The following RASAL1 variants were observed in gnomAD, a reference collection of about 807,000 sequenced individuals.
The protein encoded by RASAL1 is rasGAP-activating-like protein 1.
A neutral mutation model predicts 96.6 loss-of-function variants in RASAL1; 72 were observed. The ratio of observed to expected loss-of-function variants is 0.75; its 90% CI spans 0.62 to 0.91. RASAL1 has a LOEUF of 0.91. RASAL1 is among the 40% of genes least tolerant of loss of function. The pLI is 0.00. For missense variants in RASAL1, 1,016 were observed against 1,072.5 expected, an observed-to-expected ratio of 0.95 and a Z score of 0.74; for synonymous variants, 405 against 430.4, an observed-to-expected ratio of 0.94 and a Z score of 0.73.
At chr12:113,116,192 A>G in intron 8 of RASAL1, 141 bp from the exon 9 acceptor site, 1 of 582,236 alleles carries the variant, frequency 1.7e-6, no homozygotes, top group Non-Finnish European at 2.9e-6. Flanking sequence ...CAACATGGTG[A>G]AGCCCCATCT....
intron 18 of RASAL1, 138 bp downstream of exon 18, chr12:113,103,808 T>G: frequency 1.8e-6 from 2 of 1,142,666 alleles, no homozygotes; most frequent in South Asian, 1.3e-5. Flanking sequence ...ATCAACCTCA[T>G]TTCACAGTTG....
At chr12:113,128,754 C>G (rs897171985) in intron 2 of RASAL1, among the ~76,000 whole-genome samples, 6 of 152,096 alleles carry the variant, frequency 3.9e-5, no homozygotes, top group African/African-American at 1.4e-4. Context: ...CTCAGAAAGT[C>G]CTAAAAACAT....
chr12:113,133,843 T>C (rs920537319), intron 1 of RASAL1, among the ~76,000 whole-genome samples: 3 of 152,158 alleles, frequency 2.0e-5, no homozygotes, highest in Admixed American at 2.0e-4. Flanking sequence ...GGCCCAGGAA[T>C]TGGGGGCAGG....
In RASAL1 at chr12:113,129,848, T is replaced by C. The variant is rs1462078272; in HGVS notation, c.122+1037A>G. 6.6e-6 allele frequency among the ~76,000 whole-genome samples: 1 copy of C among 152,230 alleles called. No homozygotes were observed. The highest frequency in any genetic ancestry group is 1.5e-5 in the Non-Finnish European group (1 of 68,038). Reference sequence around the variant, plus strand: ...GACCTTTTCCCAGCCAAAGGTCTTCTGAACATTCCCCAGCTCCTGAGCTGA... The same window carrying C: ...GACCTTTTCCCAGCCAAAGGTCTTCCGAACATTCCCCAGCTCCTGAGCTGA... On this transcript the variant is annotated intron_variant, in intron 2 of 20. Coordinates refer to ENST00000548055, the MANE Select transcript of RASAL1 (RefSeq NM_001301202.2). The surrounding 1 kb of genome is among the most constrained non-coding windows in gnomAD (Gnocchi z 5.0).
Position 113,135,336 on chromosome 12 carries a change from G to T in RASAL1, c.65+62C>A. ...ACCCGCCCTGGCACGCGGAAAGGGC[G>T]ACGTCGGCCCCACCCCAGGCCTTGC... is the stretch of plus-strand genomic sequence containing the variant. On this transcript the variant is annotated intron_variant, in intron 1 of 20. Transcript: ENST00000548055. The surrounding 1 kb of genome is among the most constrained non-coding windows in gnomAD (Gnocchi z 5.7). The T allele has an allele frequency of 6.7e-7, 1 of 1,497,762 alleles. No individual in the cohort carries two copies. The highest frequency in any genetic ancestry group is 1.2e-5 in the South Asian group (1 of 83,768). The allele number at this position is 1,497,762 out of a possible 1,614,324, so 92.8% of individuals were successfully genotyped here.
chr12:113,107,303 G>T, intron 14 of RASAL1, 62 bp from the exon 15 acceptor site: 1 of 1,490,038 alleles, frequency 6.7e-7, no homozygotes, highest in African/African-American at 1.4e-5. Context: ...GGCCCCTCCT[G>T]GCTCCCAAAT....
At chr12:113,102,075 C>T in intron 18 of RASAL1, 66 bp from the exon 19 acceptor site, 5 of 1,564,254 alleles carry the variant, frequency 3.2e-6, no homozygotes, top group Non-Finnish European at 4.3e-6. Context: ...CACAGCCAGG[C>T]ATTCGCCAAG....
chr12:113,121,362 G>T, intron 5 of RASAL1, 147 bp downstream of exon 5: 1 of 1,321,760 alleles, frequency 7.6e-7, no homozygotes, highest in Non-Finnish European at 1.0e-6. Context: ...AGTGAGCTTG[G>T]ACTGTTTGTC....
chr12:113,103,306 A>G (rs1267347410), intron 18 of RASAL1, among the ~76,000 whole-genome samples: 1 of 151,612 alleles, frequency 6.6e-6, no homozygotes, highest in Admixed American at 6.6e-5. Context: ...AACAATGTAT[A>G]ACATTGTATT....
Position 113,128,127 on chromosome 12 carries a change from C to T in RASAL1, c.174G>A (p.Thr58=), listed in dbSNP as rs61741904. The T allele has an allele frequency of 1.1e-3, 1,752 of 1,613,868 alleles. 2 individuals are homozygous for T. Among genetic ancestry groups the T allele is most frequent in the Non-Finnish European group, 1.3e-3 (1,553 of 1,179,968 alleles). Residue 58 remains threonine, a synonymous_variant, in exon 3 of 21, where the codon ACG becomes ACA. Coordinates refer to ENST00000548055, the MANE Select transcript of RASAL1 (RefSeq NM_001301202.2). ...SLGPFWGEEY[T]VHLPLDFHQL... Reference sequence around the variant, plus strand: ...GGTGGAAATCCAGAGGCAGGTGCACCGTGTACTCCTCCCCCCAGAAGGGGC... The same window carrying T: ...GGTGGAAATCCAGAGGCAGGTGCACTGTGTACTCCTCCCCCCAGAAGGGGC...
rs1950405456 is a variant in RASAL1 at position 113,100,574 on chromosome 12, C to T, written c.2278+54G>A. ...TCGGCCTCCCAAAGTGCTGGGATTA[C>T]AGGTGTGAGCCACTGCACCCAGCCT... On this transcript the variant is annotated intron_variant, in intron 20 of 20. Coordinates refer to ENST00000548055, the MANE Select transcript of RASAL1 (RefSeq NM_001301202.2). 7.4e-6 allele frequency: 11 copies of T among 1,486,854 alleles called. No homozygotes were observed. The South Asian group carries it at 1.1e-4, about 15-fold the overall frequency. 92.1% of individuals were successfully genotyped at this position (1,486,854 alleles called of 1,614,324 possible). A position where few individuals can be genotyped will look rare whatever the true frequency, so the allele number is the denominator to read the frequency against.
chr12:113,130,923 G>A lies in RASAL1; in HGVS notation c.84C>T (p.Pro28=), dbSNP rs1366444200. 6.2e-7 allele frequency: 1 copy of A among 1,613,636 alleles called. No homozygotes were observed. Among genetic ancestry groups the A allele is most frequent in the Non-Finnish European group, 8.5e-7 (1 of 1,179,830 alleles). Residue 28 remains proline, a synonymous_variant, in exon 2 of 21, where the codon CCC becomes CCT. Transcript: ENST00000548055. This position sits in a 1 kb window ranked among gnomAD's most constrained non-coding sequence, Gnocchi z 5.1. ...CGTCGTCCACTTTCACTAGGCAGTA[G>A]GGGTCGCTGCTCCCAGACCTGCAGA... The part of the protein sequence containing the change: ...PAKDVSGSSD[P]YCLVKVDDEV...
chr12:113,109,445 A>C (rs1950782384), intron 13 of RASAL1, among the ~76,000 whole-genome samples: 1 of 152,128 alleles, frequency 6.6e-6, no homozygotes, highest in South Asian at 2.1e-4. Context: ...ACTGTAGAGT[A>C]TGGTTCCCCT....
At chr12:113,132,820 G>A (rs1392338902) in intron 1 of RASAL1, among the ~76,000 whole-genome samples, 2 of 152,192 alleles carry the variant, frequency 1.3e-5, no homozygotes, top group Non-Finnish European at 2.9e-5. Flanking sequence ...GACAGACAGT[G>A]TCTTCGTGAT....
At position 113,130,239 on chromosome 12, in the gene RASAL1, G is replaced by A. The variant is rs557526233; in HGVS notation, c.122+646C>T. The stretch of plus-strand genomic sequence containing the variant: ...AGGGCGCAGCCTGATATCCCCCTGC[G>A]AGACTCACTGACACCCCAAACATCC... On this transcript the variant is annotated intron_variant, in intron 2 of 20. Transcript: ENST00000548055. This position sits in a 1 kb window ranked among gnomAD's most constrained non-coding sequence, Gnocchi z 5.1. 3.9e-5 allele frequency among the ~76,000 whole-genome samples: 6 copies of A among 152,308 alleles called. No individual in the cohort carries two copies. Among genetic ancestry groups the A allele is most frequent in the African/African-American group, 1.2e-4 (5 of 41,562 alleles).
intron 4 of RASAL1, among the ~76,000 whole-genome samples, chr12:113,127,119 G>A (rs12819481): frequency 6.6e-6 from 1 of 151,606 alleles, no homozygotes; most frequent in Non-Finnish European, 1.5e-5. Flanking sequence ...GGACTCCTGG[G>A]CTCAAGCGAT....
chr12:113,128,254 A>G (rs1951570326), intron 2 of RASAL1, 76 bp from the exon 3 acceptor site: 1 of 652,918 alleles, frequency 1.5e-6, no homozygotes, highest in Non-Finnish European at 2.6e-6. Flanking sequence ...AGACACACAC[A>G]CACACACACA....
chr12:113,123,282 G>A (rs1951361850), intron 4 of RASAL1, among the ~76,000 whole-genome samples: 1 of 152,124 alleles, frequency 6.6e-6, no homozygotes, highest in Admixed American at 6.5e-5. Flanking sequence ...ATTGCCCATG[G>A]TGTCTCATTT....
Position 113,101,894 on chromosome 12 carries a change from C to G in RASAL1, c.2220G>C (p.Gln740His). ...GGATGGGTGGGGGCACCCACCTGAG[C>G]TGGTCCCGCCCCAGGAGCAGCTGCC... The part of the protein sequence containing the change: ...VYRQLLLGRD[Q>H]LRLKLLEDSN... Residue 740 changes from glutamine (Q) to histidine (H), a missense_variant, in exon 19 of 21, where the codon CAG (glutamine) becomes CAC (histidine). Gln to His is a conservative substitution (Grantham distance 24). Coordinates refer to ENST00000548055, the MANE Select transcript of RASAL1 (RefSeq NM_001301202.2). 1 of 1,613,144 alleles carries G rather than the reference C, an allele frequency of 6.2e-7. No individual in the cohort carries two copies. Among genetic ancestry groups the G allele is most frequent in the Non-Finnish European group, 8.5e-7 (1 of 1,179,520 alleles).
Sources: allele counts gnomAD v4.1 joint callset (sites outside exome capture counted in the v4.1 genomes callset), GRCh38; gene constraint gnomAD v4.1.1; non-coding constraint Gnocchi (gnomAD v3.1); transcripts MANE v1.5; gene names NCBI Gene and HGNC (gene_info 2026-07-23, HGNC 2026-07-21).